The following BANK1 variants were observed in gnomAD, a reference collection of about 807,000 sequenced individuals.
BANK1 encodes the protein B cell scaffold protein with ankyrin repeats 1.
Under a neutral mutation model 94.5 loss-of-function variants are expected in BANK1, and 95 were observed. The ratio of observed to expected loss-of-function variants is 1.00; its 90% CI spans 0.85 to 1.19. BANK1 has a LOEUF of 1.19. Ranked by LOEUF, BANK1 falls within the 50% of genes most tolerant of loss-of-function variation. BANK1 has a pLI of 0.00. For missense variants in BANK1, 987 were observed against 932.2 expected (o/e 1.06, Z -0.77); for synonymous variants, 334 against 308.4 (o/e 1.08, Z -0.87).
At chr4:102,034,551 T>C (rs1257239850) in intron 10 of BANK1, among the ~76,000 whole-genome samples, 2 of 152,224 alleles carry the variant, frequency 1.3e-5, no homozygotes, top group East Asian at 3.8e-4. Flanking sequence ...TTAGTGTCTG[T>C]TTCTTGGATT....
chr4:101,799,856 A>G (rs1725296065), intron 1 of BANK1, among the ~76,000 whole-genome samples: 1 of 152,156 alleles, frequency 6.6e-6, no homozygotes, highest in African/African-American at 2.4e-5. Context: ...CCTGGGTGAC[A>G]GAGTGAGATT....
chr4:101,994,869 A>G (rs1405726134), intron 7 of BANK1, among the ~76,000 whole-genome samples: 2 of 152,126 alleles, frequency 1.3e-5, no homozygotes, highest in Non-Finnish European at 2.9e-5. Context: ...TACAAGGTTT[A>G]TAACAACAAC....
intron 14 of BANK1, 114 bp downstream of exon 14, chr4:102,071,418 A>G (rs1397381080): frequency 3.9e-6 from 4 of 1,031,376 alleles, no homozygotes; most frequent in Non-Finnish European, 5.8e-6. Context: ...AAACATTCAC[A>G]TAGATTTTAT....
Position 101,790,781 on chromosome 4 carries a change from G to A in BANK1, c.-100G>A, listed in dbSNP as rs1175359792. On this transcript the variant is annotated 5_prime_UTR_variant, in exon 1 of 17. Coordinates refer to ENST00000322953, the MANE Select transcript of BANK1 (RefSeq NM_017935.5). The stretch of plus-strand genomic sequence containing the variant: ...GGCAAGCGGGCTGGGGAGAGCCGAG[G>A]GCCAAAGGAAGAGAAAATCGCGGGG... 2 of 1,304,048 alleles carry A rather than the reference G, an allele frequency of 1.5e-6. No individual in the cohort carries two copies. The highest frequency in any genetic ancestry group is 2.0e-5 in the Admixed American group (1 of 50,466). The allele number at this position is 1,304,048 out of a possible 1,614,324, so 80.8% of individuals were successfully genotyped here. A position where few individuals can be genotyped will look rare whatever the true frequency, so the allele number is the denominator to read the frequency against.
At chr4:101,888,598 C>A (rs11930376) in intron 5 of BANK1, among the ~76,000 whole-genome samples, 52,276 of 152,022 alleles carry the variant, frequency 0.34, 9,297 homozygotes, top group African/African-American at 0.39. Context: ...AAGTTAGAAT[C>A]TTTATTTACC....
intron 5 of BANK1, among the ~76,000 whole-genome samples, chr4:101,888,155 G>GA (rs1728923130): frequency 6.6e-6 from 1 of 152,190 alleles, no homozygotes; most frequent in African/African-American, 2.4e-5. Flanking sequence ...ATAAGAAGAA[G>GA]AGCAAGGCTG....
rs114422306 is a variant in BANK1, at chr4:102,035,327, C to A, written c.1900+5062C>A. Among the ~76,000 whole-genome samples the A allele has an allele frequency of 7.3e-3, 1,119 of 152,278 alleles. 5 individuals carry two copies. The highest frequency in any genetic ancestry group is 0.014 in the Middle Eastern group (4 of 294). On this transcript the variant is annotated intron_variant, in intron 10 of 16. Coordinates refer to ENST00000322953, the MANE Select transcript of BANK1 (RefSeq NM_017935.5). ...TCACCATCATCATCATCCCCTTACC[C>A]CAGAGACATAACTTATTAATGCAAA...
intron 6 of BANK1, among the ~76,000 whole-genome samples, chr4:101,896,968 T>G (rs555508120): frequency 6.6e-6 from 1 of 152,152 alleles, no homozygotes; most frequent in South Asian, 2.1e-4. Flanking sequence ...TTTTCTGGCT[T>G]GAATAATGTT....
At chr4:102,049,834 C>G (rs1010023016) in intron 11 of BANK1, among the ~76,000 whole-genome samples, 3 of 152,160 alleles carry the variant, frequency 2.0e-5, no homozygotes, top group Admixed American at 6.5e-5. Flanking sequence ...CACTAAGAGG[C>G]AAAATGGTAG....
chr4:101,862,690 CATAAAA>C, intron 4 of BANK1, 26 bp downstream of exon 4: 1 of 1,564,878 alleles, frequency 6.4e-7, no homozygotes, highest in Non-Finnish European at 8.6e-7. Flanking sequence ...ATTTAATAAG[CATAAAA>C]CATTATCCTG....
intron 10 of BANK1, among the ~76,000 whole-genome samples, chr4:102,035,880 AGAATACAGAG>A (rs1393094389): frequency 2.0e-5 from 3 of 152,238 alleles, no homozygotes; most frequent in African/African-American, 7.2e-5. Context: ...TTAAGCTTGA[AGAATACAGAG>A]GAATTAACAT....
At chr4:101,836,552 A>C (rs2148865959) in intron 2 of BANK1, among the ~76,000 whole-genome samples, 1 of 152,316 alleles carries the variant, frequency 6.6e-6, no homozygotes, top group East Asian at 1.9e-4. Context: ...ACCTCAAAAA[A>C]ACCCCACAAA....
In BANK1 at chr4:102,073,900, T is replaced by C; in HGVS notation, c.*6-105T>C. The stretch of plus-strand genomic sequence containing the variant: ...ATGTATTTTTCAAGCTAAAGGTGAT[T>C]GCTCTGTAGAAAGATTTATGTACAG... On this transcript the variant is annotated intron_variant, in intron 16 of 16. Transcript: ENST00000322953. 1.0e-5 allele frequency: 6 copies of C among 574,986 alleles called. No individual in the cohort carries two copies. The South Asian group carries it at 1.6e-4, about 15-fold the overall frequency. 35.6% of individuals were successfully genotyped at this position (574,986 alleles called of 1,614,324 possible).
chr4:101,830,931 C>T (rs187589694), intron 2 of BANK1, among the ~76,000 whole-genome samples: 12 of 152,170 alleles, frequency 7.9e-5, no homozygotes, highest in Admixed American at 5.2e-4. Flanking sequence ...TTTTTTGGAG[C>T]AAATTTCTGA....
At chr4:101,795,363 T>C (rs980166733) in intron 1 of BANK1, among the ~76,000 whole-genome samples, 122 of 152,080 alleles carry the variant, frequency 8.0e-4, no homozygotes, top group Middle Eastern at 3.4e-3. Context: ...TTCACTGTGT[T>C]CTTTTATCTA....
intron 7 of BANK1, among the ~76,000 whole-genome samples, chr4:102,008,936 G>C (rs1272789624): frequency 6.6e-6 from 1 of 152,216 alleles, no homozygotes; most frequent in Non-Finnish European, 1.5e-5. Context: ...AAAACGAACA[G>C]GGAAGCCTGA....
chr4:101,844,449 C>T (rs937410438), intron 2 of BANK1, among the ~76,000 whole-genome samples: 2 of 152,182 alleles, frequency 1.3e-5, no homozygotes, highest in African/African-American at 4.8e-5. Flanking sequence ...CCTTTCCTAT[C>T]TCAGAACACA....
intron 7 of BANK1, among the ~76,000 whole-genome samples, chr4:101,931,266 A>C (rs1330744236): frequency 6.6e-6 from 1 of 151,602 alleles, no homozygotes; most frequent in East Asian, 1.9e-4. Flanking sequence ...ATTAACATTT[A>C]AATTTGTAGT....
chr4:101,847,032 A>G (rs1001084504), intron 2 of BANK1, among the ~76,000 whole-genome samples: 1 of 152,078 alleles, frequency 6.6e-6, no homozygotes, highest in African/African-American at 2.4e-5. Flanking sequence ...TTTTACTCAT[A>G]TATCGTTTGC....
Sources: allele counts gnomAD v4.1 joint callset (sites outside exome capture counted in the v4.1 genomes callset), GRCh38; gene constraint gnomAD v4.1.1; transcripts MANE v1.5; gene names NCBI Gene and HGNC (gene_info 2026-07-23, HGNC 2026-07-21).